Variants in APBB2 observed in about 807,000 individuals in gnomAD.
APBB2 encodes the protein Fe65-like 1.
APBB2 carries 38 observed loss-of-function variants against 82.5 expected under a neutral mutation model. The ratio of observed to expected loss-of-function variants is 0.46; its 90% CI spans 0.36 to 0.60. APBB2 has a LOEUF of 0.60. APBB2 is among the 20% of genes least tolerant of loss of function. APBB2 has a pLI of 0.00. For synonymous variants in APBB2, 341 were observed against 368.2 expected (o/e 0.93, Z 0.85); for missense variants, 772 against 972.3 (o/e 0.79, Z 2.74).
chr4:40,937,038 A>G (rs1030771260), intron 7 of APBB2, among the ~76,000 whole-genome samples: 1 of 152,240 alleles, frequency 6.6e-6, no homozygotes, highest in African/African-American at 2.4e-5. Flanking sequence ...TATCAAGTAC[A>G]AAATAAAATT....
At chr4:40,995,150 C>A (rs1374180121) in intron 6 of APBB2, among the ~76,000 whole-genome samples, 1 of 152,078 alleles carries the variant, frequency 6.6e-6, no homozygotes, top group African/African-American at 2.4e-5. Context: ...GTTCCCCAAG[C>A]AAACAAGCTT....
intron 1 of APBB2, among the ~76,000 whole-genome samples, chr4:41,200,310 A>G (rs1312583110): frequency 1.3e-5 from 2 of 152,260 alleles, no homozygotes; most frequent in Admixed American, 1.3e-4. Context: ...ACTGAAATAG[A>G]AGAGGAAGTA....
At chr4:41,176,924 T>C (rs1263371815) in intron 1 of APBB2, among the ~76,000 whole-genome samples, 1 of 151,728 alleles carries the variant, frequency 6.6e-6, no homozygotes, top group African/African-American at 2.4e-5. Context: ...AGGACTTAGC[T>C]GAATTAATGC....
chr4:41,153,066 G>A (rs1226004371), intron 1 of APBB2, among the ~76,000 whole-genome samples: 1 of 152,032 alleles, frequency 6.6e-6, no homozygotes, highest in Non-Finnish European at 1.5e-5. Context: ...TTTCATGCCC[G>A]TACCCCAAAA....
At chr4:40,931,957 A>G (rs1176282356) in intron 10 of APBB2, among the ~76,000 whole-genome samples, 3 of 152,226 alleles carry the variant, frequency 2.0e-5, no homozygotes, top group South Asian at 4.1e-4. Flanking sequence ...CTTCCTTACT[A>G]ACGTGAACAG....
At chr4:41,102,655 A>G (rs1190865144) in intron 2 of APBB2, among the ~76,000 whole-genome samples, 1 of 152,202 alleles carries the variant, frequency 6.6e-6, no homozygotes, top group Non-Finnish European at 1.5e-5. Flanking sequence ...CCAGTGTGCT[A>G]TGAGCCACAC....
At chr4:40,936,696 G>A (rs934983937) in intron 7 of APBB2, among the ~76,000 whole-genome samples, 2 of 152,152 alleles carry the variant, frequency 1.3e-5, no homozygotes, top group Admixed American at 6.5e-5. Flanking sequence ...AAAATAAAAT[G>A]GGAACTTAGA....
chr4:41,147,729 T>C (rs1761184515), intron 1 of APBB2, among the ~76,000 whole-genome samples: 1 of 152,078 alleles, frequency 6.6e-6, no homozygotes, highest in Non-Finnish European at 1.5e-5. Context: ...CCTCAGGTGA[T>C]CCACATGACT....
intron 2 of APBB2, among the ~76,000 whole-genome samples, chr4:41,111,148 G>A (rs544748397): frequency 8.5e-4 from 129 of 152,250 alleles, no homozygotes; most frequent in African/African-American, 2.9e-3. Flanking sequence ...GACAGGAGGC[G>A]GAGCTCAGGC....
At chr4:40,896,631 G>C (rs923907424) in intron 10 of APBB2, among the ~76,000 whole-genome samples, 1 of 152,166 alleles carries the variant, frequency 6.6e-6, no homozygotes, top group African/African-American at 2.4e-5. Context: ...ACTCTTAACT[G>C]AATAATCAAG....
intron 12 of APBB2, chr4:40,880,475 A>T (rs966514312): frequency 6.1e-6 from 6 of 985,254 alleles, no homozygotes; most frequent in African/African-American, 1.7e-5. Context: ...CAAGCACCAA[A>T]CCATGCACTG....
intron 12 of APBB2, among the ~76,000 whole-genome samples, chr4:40,878,758 T>A (rs576360614): frequency 6.6e-6 from 1 of 152,180 alleles, no homozygotes; most frequent in Non-Finnish European, 1.5e-5. Flanking sequence ...TGTGTTCCTT[T>A]ATTTATAGCC....
At chr4:40,936,024 G>A (rs759545191) in intron 7 of APBB2, among the ~76,000 whole-genome samples, 22 of 152,046 alleles carry the variant, frequency 1.4e-4, no homozygotes, top group Non-Finnish European at 3.1e-4. Context: ...TAAAACTCAG[G>A]GACAGTCTTG....
chr4:41,159,913 G>A (rs36000749), intron 1 of APBB2, among the ~76,000 whole-genome samples: 4,413 of 20,804 alleles, frequency 0.21, 418 homozygotes, highest in African/African-American at 0.23. Context: ...GGAGAAGGAG[G>A]AGGAGGAGGA....
At chr4:40,906,511 GAAAAC>G (rs1776797758) in intron 10 of APBB2, among the ~76,000 whole-genome samples, 1 of 124,980 alleles carries the variant, frequency 8.0e-6, no homozygotes, top group African/African-American at 3.0e-5. Context: ...AAAGAAAAAA[GAAAAC>G]AAAAATTCCC....
intron 6 of APBB2, 47 bp from the exon 7 acceptor site, chr4:40,945,120 TAA>T (rs1442012230): frequency 1.5e-6 from 2 of 1,339,948 alleles, no homozygotes; most frequent in Admixed American, 1.7e-5. Context: ...AGAATTTTAT[TAA>T]AAGAATGTCA....
At chr4:41,120,513 T>C (rs1752493804) in intron 2 of APBB2, among the ~76,000 whole-genome samples, 1 of 152,210 alleles carries the variant, frequency 6.6e-6, no homozygotes, top group African/African-American at 2.4e-5. Flanking sequence ...AGGTGACTTA[T>C]TTTCCTTGAC....
At chr4:40,911,090 A>T (rs1374740163) in intron 10 of APBB2, among the ~76,000 whole-genome samples, 1 of 152,250 alleles carries the variant, frequency 6.6e-6, no homozygotes, top group Admixed American at 6.5e-5. Context: ...CATGGAAACG[A>T]CAGACATAGG....
At chr4:41,094,499 C>T (rs1742828960) in intron 3 of APBB2, among the ~76,000 whole-genome samples, 1 of 152,198 alleles carries the variant, frequency 6.6e-6, no homozygotes, top group Admixed American at 6.5e-5. Flanking sequence ...GCAACTGAAG[C>T]TTTACCTATA....
Sources: gnomAD v4.1 joint callset for allele counts (sites outside exome capture counted in the v4.1 genomes callset) on GRCh38, gnomAD v4.1.1 for gene constraint, MANE v1.5 for transcripts, NCBI Gene and HGNC (gene_info 2026-07-23, HGNC 2026-07-21) for gene names.